The following GRID1 variants were observed in gnomAD, a reference collection of about 807,000 sequenced individuals.
GRID1 encodes the protein glutamate receptor ionotropic, delta-1.
Under a neutral mutation model 98.0 loss-of-function variants are expected in GRID1, and 28 were observed. The observed-to-expected ratio is 0.29, with a 90% CI of 0.21 to 0.39. The LOEUF is 0.39. Among genes scored for constraint, GRID1 ranks in the 10% least tolerant of loss-of-function variants. The probability of loss-of-function intolerance (pLI) is 1.00; values close to 1 mark genes in which losing one functional copy is unlikely to be tolerated. For missense variants in GRID1, 1,111 were observed against 1,340.5 expected (o/e 0.83, Z 2.67); for synonymous variants, 553 against 538.5 (o/e 1.03, Z -0.37).
chr10:85,772,772 G>T (rs948000252), intron 8 of GRID1, among the ~76,000 whole-genome samples: 57 of 152,298 alleles, frequency 3.7e-4, no homozygotes, highest in African/African-American at 1.3e-3. Context: ...GACTAAACTA[G>T]GAAGAAGTTG....
At chr10:85,759,088 T>C (rs544107601) in intron 8 of GRID1, among the ~76,000 whole-genome samples, 1 of 152,360 alleles carries the variant, frequency 6.6e-6, no homozygotes, top group Non-Finnish European at 1.5e-5. Flanking sequence ...CCTGCCATTA[T>C]TATAATCCTA....
In GRID1 at chr10:85,743,893, G is replaced by T. The variant is rs2132676825; in HGVS notation, c.1234-14279C>A. On this transcript the variant is annotated intron_variant, in intron 8 of 15. Transcript: ENST00000327946. ...ATTGCATGTCATAATGCATGCATAG[G>T]TGCATAGATAGTTCATAGATTAAGT... is the stretch of plus-strand genomic sequence containing the variant. 3.3e-5 allele frequency among the ~76,000 whole-genome samples: 5 copies of T among 152,220 alleles called. 1 individual carries two copies. The Middle Eastern group carries it at 0.017, about 518-fold the overall frequency.
At chr10:86,031,921 G>A (rs115542366) in intron 4 of GRID1, among the ~76,000 whole-genome samples, 114 of 152,136 alleles carry the variant, frequency 7.5e-4, no homozygotes, top group African/African-American at 2.2e-3. Flanking sequence ...CTTCCCCTAC[G>A]TCCCATTGGT....
At chr10:85,686,185 G>A (rs1841267032) in intron 12 of GRID1, among the ~76,000 whole-genome samples, 1 of 152,158 alleles carries the variant, frequency 6.6e-6, no homozygotes, top group South Asian at 2.1e-4. Context: ...CACTGGAGGA[G>A]AAAAGAATGC....
At chr10:86,296,603 G>A (rs1428736896) in intron 2 of GRID1, among the ~76,000 whole-genome samples, 1 of 152,106 alleles carries the variant, frequency 6.6e-6, no homozygotes, top group African/African-American at 2.4e-5. Flanking sequence ...GCTGGGCATG[G>A]TGGCATGTGC....
intron 12 of GRID1, among the ~76,000 whole-genome samples, chr10:85,663,793 T>C (rs914925492): frequency 1.3e-5 from 2 of 152,182 alleles, no homozygotes; most frequent in Non-Finnish European, 2.9e-5. Context: ...AGTGAATAAA[T>C]GAATAGGATG....
chr10:86,304,038 G>A (rs900886924), intron 2 of GRID1, among the ~76,000 whole-genome samples: 3 of 152,124 alleles, frequency 2.0e-5, no homozygotes, highest in Non-Finnish European at 4.4e-5. Flanking sequence ...GGAGACTCTT[G>A]CAGGCTGTGA....
chr10:86,294,963 G>A (rs115585230), intron 2 of GRID1, among the ~76,000 whole-genome samples: 11 of 152,248 alleles, frequency 7.2e-5, no homozygotes, highest in South Asian at 4.1e-4. Context: ...GAACAGTGGG[G>A]GCGGGACAGG....
chr10:86,072,135 G>A (rs899317673), intron 4 of GRID1, among the ~76,000 whole-genome samples: 25 of 152,244 alleles, frequency 1.6e-4, no homozygotes, highest in South Asian at 4.2e-4. Flanking sequence ...TTCTGGGGTC[G>A]TCAGGAAGTG....
intron 4 of GRID1, among the ~76,000 whole-genome samples, chr10:85,917,437 T>C (rs1399498315): frequency 6.6e-6 from 1 of 152,242 alleles, no homozygotes; most frequent in Non-Finnish European, 1.5e-5. Context: ...TGTCACCTTC[T>C]AGAAGATTTT....
At chr10:86,291,663 T>C (rs1427249868) in intron 2 of GRID1, among the ~76,000 whole-genome samples, 4 of 152,128 alleles carry the variant, frequency 2.6e-5, no homozygotes, top group African/African-American at 9.7e-5. Flanking sequence ...TGGTGCAAGA[T>C]CACACAGCGC....
Position 86,366,254 on chromosome 10 carries a change from G to C in GRID1, c.79+60C>G. ...GGGAAACGCCAAGTTTGGACGCCGCGCACCCCCTGCCCCGTTGGGGCCCCC... is the reference window on the plus strand; with the variant it reads ...GGGAAACGCCAAGTTTGGACGCCGCCCACCCCCTGCCCCGTTGGGGCCCCC... On this transcript the variant is annotated intron_variant, in intron 1 of 15. Transcript: ENST00000327946. This position sits in a 1 kb window ranked among gnomAD's most constrained non-coding sequence, Gnocchi z 4.1. 8.2e-7 allele frequency: 1 copy of C among 1,222,744 alleles called. No individual in the cohort carries two copies. Among genetic ancestry groups the C allele is most frequent in the Middle Eastern group, 2.5e-4 (1 of 4,072 alleles). 75.7% of individuals were successfully genotyped at this position (1,222,744 alleles called of 1,614,324 possible).
intron 8 of GRID1, among the ~76,000 whole-genome samples, chr10:85,756,444 A>G (rs957180396): frequency 6.6e-6 from 1 of 152,212 alleles, no homozygotes; most frequent in South Asian, 2.1e-4. Flanking sequence ...GACCATTATT[A>G]AGTCAAATAA....
intron 2 of GRID1, among the ~76,000 whole-genome samples, chr10:86,268,205 G>T (rs1847133493): frequency 6.6e-6 from 1 of 152,156 alleles, no homozygotes; most frequent in African/African-American, 2.4e-5. Flanking sequence ...CTGCTACCCG[G>T]TATGCTCCCC....
intron 4 of GRID1, among the ~76,000 whole-genome samples, chr10:86,104,468 T>A (rs985214676): frequency 1.3e-5 from 2 of 152,214 alleles, no homozygotes; most frequent in Admixed American, 1.3e-4. Flanking sequence ...TAAAGGTCCC[T>A]GCTGCAAGGA....
At chr10:85,623,534 G>A (rs946546249) in intron 13 of GRID1, among the ~76,000 whole-genome samples, 3 of 152,138 alleles carry the variant, frequency 2.0e-5, no homozygotes, top group African/African-American at 4.8e-5. Context: ...TCCCCACTAC[G>A]GGGGGCTGGG....
chr10:85,743,466 G>C (rs1398582270), intron 8 of GRID1, among the ~76,000 whole-genome samples: 1 of 152,132 alleles, frequency 6.6e-6, no homozygotes, highest in Non-Finnish European at 1.5e-5. Flanking sequence ...AACTTGAAAA[G>C]AAGTTGGTCC....
chr10:86,356,654 G>A (rs1848537717), intron 2 of GRID1, among the ~76,000 whole-genome samples: 1 of 152,240 alleles, frequency 6.6e-6, no homozygotes, highest in African/African-American at 2.4e-5. Flanking sequence ...ACTGTGTCAT[G>A]AAAGCTGCTG....
At chr10:86,082,171 C>G (rs1006949838) in intron 4 of GRID1, among the ~76,000 whole-genome samples, 3 of 152,174 alleles carry the variant, frequency 2.0e-5, no homozygotes, top group Non-Finnish European at 4.4e-5. Flanking sequence ...AGTAAAGTCC[C>G]TTAATTTTCT....
Sources: allele counts gnomAD v4.1 joint callset (sites outside exome capture counted in the v4.1 genomes callset), GRCh38; gene constraint gnomAD v4.1.1; non-coding constraint Gnocchi (gnomAD v3.1); transcripts MANE v1.5; gene names NCBI Gene and HGNC (gene_info 2026-07-23, HGNC 2026-07-21).